Variants in EYS observed in about 807,000 individuals in gnomAD.
The protein encoded by EYS is EGF-like photoreceptor maintenance factor, also known as protein eyes shut homolog.
EYS carries 250 observed loss-of-function variants against 282.1 expected under a neutral mutation model. The observed-to-expected ratio is 0.89, with a 90% confidence interval of 0.80 to 0.98. EYS has a LOEUF of 0.98. Among genes scored for constraint, EYS ranks in the 50% least tolerant of loss-of-function variants. The pLI is 0.00. For missense variants in EYS, 4,016 were observed against 3,709.0 expected, an observed-to-expected ratio of 1.08 and a Z score of -2.15; for synonymous variants, 1,355 against 1,282.9, an observed-to-expected ratio of 1.06 and a Z score of -1.20.
At chr6:64,146,373 G>T (rs149691318) in intron 31 of EYS, among the ~76,000 whole-genome samples, 1 of 152,182 alleles carries the variant, frequency 6.6e-6, no homozygotes, top group African/African-American at 2.4e-5. Flanking sequence ...CGTTAGCCTT[G>T]AAATTTTACT....
intron 19 of EYS, among the ~76,000 whole-genome samples, chr6:64,839,626 T>C (rs935067300): frequency 1.3e-5 from 2 of 152,202 alleles, no homozygotes; most frequent in Middle Eastern, 3.4e-3. Context: ...AATTATATAC[T>C]TGAGCCTAGT....
rs887841095 is a variant in EYS, at chr6:65,130,888, T to TA, written c.2024-73162dup. Among the ~76,000 whole-genome samples, 22 of 150,800 alleles carry TA rather than the reference T, an allele frequency of 1.5e-4. 1 individual carries two copies. Among genetic ancestry groups the TA allele is most frequent in the African/African-American group, 5.3e-4 (22 of 41,252 alleles). ...TTTTAAAAATAGTTTTAAAATATGC[T>TA]AAAAAAACTGTTTATTGTAAGTGGT... is the stretch of plus-strand genomic sequence containing the variant. On this transcript the variant is annotated intron_variant, in intron 12 of 42. Coordinates refer to ENST00000503581, the MANE Select transcript of EYS (RefSeq NM_001142800.2).
intron 2 of EYS, among the ~76,000 whole-genome samples, chr6:65,609,892 T>C (rs1440363662): frequency 1.3e-5 from 2 of 152,080 alleles, no homozygotes; most frequent in African/African-American, 4.8e-5. Flanking sequence ...ATGCATTGTG[T>C]TTCACCTTTT....
At chr6:64,684,215 TG>T (rs1770004452) in intron 22 of EYS, among the ~76,000 whole-genome samples, 3 of 152,272 alleles carry the variant, frequency 2.0e-5, no homozygotes, top group Admixed American at 6.5e-5. Context: ...AAAGGTAGGC[TG>T]GAAGACAATG....
intron 26 of EYS, among the ~76,000 whole-genome samples, chr6:64,455,562 C>T (rs2150481008): frequency 6.6e-6 from 1 of 152,086 alleles, no homozygotes; most frequent in African/African-American, 2.4e-5. Flanking sequence ...GTTTTAAGCC[C>T]TGCATGCATT....
intron 40 of EYS, chr6:63,777,764 T>C: frequency 2.4e-6 from 1 of 408,550 alleles, no homozygotes; most frequent in Admixed American, 4.0e-5. Flanking sequence ...TCATGGTGCC[T>C]GGAATGAGAT....
chr6:65,040,074 A>G (rs1000448168), intron 13 of EYS, among the ~76,000 whole-genome samples: 2 of 151,576 alleles, frequency 1.3e-5, no homozygotes, highest in Non-Finnish European at 3.0e-5. Flanking sequence ...CTTCACCATT[A>G]ATGACACTTT....
chr6:65,675,383 G>C (rs1217193786), intron 1 of EYS, among the ~76,000 whole-genome samples: 1 of 151,736 alleles, frequency 6.6e-6, no homozygotes, highest in African/African-American at 2.4e-5. Context: ...ACTCACTTTA[G>C]CTTTAAGGAT....
At chr6:64,891,426 T>C (rs1333401115) in intron 18 of EYS, among the ~76,000 whole-genome samples, 1 of 152,028 alleles carries the variant, frequency 6.6e-6, no homozygotes, top group Non-Finnish European at 1.5e-5. Flanking sequence ...TCCCTGTGTC[T>C]AATAGGAAGG....
chr6:64,953,171 T>C (rs1453338014), intron 14 of EYS, among the ~76,000 whole-genome samples: 1 of 151,860 alleles, frequency 6.6e-6, no homozygotes, highest in Admixed American at 6.6e-5. Flanking sequence ...TGAAAAGTTT[T>C]TATACATTAG....
chr6:65,298,458 TTTATATTTCA>T (rs1294384745), intron 11 of EYS, among the ~76,000 whole-genome samples: 1 of 151,950 alleles, frequency 6.6e-6, no homozygotes, highest in Non-Finnish European at 1.5e-5. Flanking sequence ...TTGACCTATT[TTTATATTTCA>T]TTATATTTCA....
chr6:64,816,207 A>G (rs886634460), intron 21 of EYS, among the ~76,000 whole-genome samples: 1 of 152,122 alleles, frequency 6.6e-6, no homozygotes, highest in South Asian at 2.1e-4. Flanking sequence ...AGTCCCTACC[A>G]TTCCCTCTGC....
At chr6:65,045,429 AT>A (rs1329817058) in intron 13 of EYS, among the ~76,000 whole-genome samples, 1 of 151,836 alleles carries the variant, frequency 6.6e-6, no homozygotes, top group Non-Finnish European at 1.5e-5. Flanking sequence ...CTGATTTCCA[AT>A]GTGAAAGTTT....
At chr6:65,704,822 T>G (rs1280979020) in intron 1 of EYS, among the ~76,000 whole-genome samples, 1 of 152,118 alleles carries the variant, frequency 6.6e-6, no homozygotes, top group East Asian at 1.9e-4. Flanking sequence ...ACTCTCTGAG[T>G]TCTCTTGGGG....
chr6:65,416,556 C>A (rs1038775944), intron 5 of EYS, among the ~76,000 whole-genome samples: 19 of 151,906 alleles, frequency 1.3e-4, no homozygotes, highest in African/African-American at 4.1e-4. Flanking sequence ...CAAACTAGCT[C>A]TGCTATCCTA....
intron 14 of EYS, among the ~76,000 whole-genome samples, chr6:64,986,109 G>T (rs1013709305): frequency 6.6e-6 from 1 of 151,220 alleles, no homozygotes; most frequent in East Asian, 1.9e-4. Flanking sequence ...CAAATAAAGG[G>T]TTTTGCAAGC....
intron 33 of EYS, among the ~76,000 whole-genome samples, chr6:64,049,460 C>T (rs1297281086): frequency 6.6e-6 from 1 of 152,126 alleles, no homozygotes; most frequent in Non-Finnish European, 1.5e-5. Flanking sequence ...TTTCTATACT[C>T]CATAGCACCC....
chr6:65,332,302 ATT>A, intron 11 of EYS: 1 of 711,554 alleles, frequency 1.4e-6, no homozygotes, highest in Middle Eastern at 2.3e-4. Context: ...ACATTAATTG[ATT>A]TTAAGCCACT....
At chr6:65,548,266 T>C (rs1768466865) in intron 2 of EYS, among the ~76,000 whole-genome samples, 1 of 152,236 alleles carries the variant, frequency 6.6e-6, no homozygotes, top group Non-Finnish European at 1.5e-5. Flanking sequence ...ATTTTCATTA[T>C]TTGTGATTAT....
Sources: gnomAD v4.1 joint callset for allele counts (sites outside exome capture counted in the v4.1 genomes callset) on GRCh38, gnomAD v4.1.1 for gene constraint, MANE v1.5 for transcripts, NCBI Gene and HGNC (gene_info 2026-07-23, HGNC 2026-07-21) for gene names.